Variants in IQGAP2 observed in about 807,000 individuals in gnomAD.
IQGAP2 encodes the protein ras GTPase-activating-like protein IQGAP2.
A neutral mutation model predicts 201.3 loss-of-function variants in IQGAP2; 173 were observed. The observed-to-expected ratio is 0.86, with a 90% CI of 0.76 to 0.98. IQGAP2 has a LOEUF of 0.98. IQGAP2 is among the 50% of genes least tolerant of loss of function. The probability of loss-of-function intolerance (pLI) is 0.00; values close to 1 mark genes in which losing one functional copy is unlikely to be tolerated. For synonymous variants in IQGAP2, 675 were observed against 673.9 expected (o/e 1.00, Z -0.03); for missense variants, 1,687 against 1,864.8 (o/e 0.90, Z 1.76).
chr5:76,443,880 T>C lies in IQGAP2; in HGVS notation c.47-17690T>C, dbSNP rs146144765. On this transcript the variant is annotated intron_variant, in intron 1 of 35. Coordinates refer to ENST00000274364, the MANE Select transcript of IQGAP2 (RefSeq NM_006633.5). ...TTTTAGTTATTGACACTTTTTTCTA[T>C]TTCATAGCCACATTGGTATATTTTT... is the stretch of plus-strand genomic sequence containing the variant. Among the ~76,000 whole-genome samples, 52 of 152,304 alleles carry C rather than the reference T, an allele frequency of 3.4e-4. 1 individual carries two copies. The East Asian group carries it at 9.3e-3, about 27-fold the overall frequency.
At chr5:76,511,476 G>A (rs1202878855) in intron 2 of IQGAP2, among the ~76,000 whole-genome samples, 1 of 152,108 alleles carries the variant, frequency 6.6e-6, no homozygotes, top group Non-Finnish European at 1.5e-5. Context: ...TTTCACTTAG[G>A]TGCCCTTGGC....
chr5:76,700,164 A>G (rs1365281676), intron 33 of IQGAP2, among the ~76,000 whole-genome samples: 20 of 152,248 alleles, frequency 1.3e-4, no homozygotes, highest in Admixed American at 1.3e-3. Context: ...GATTTACTTT[A>G]AGGCATTTCA....
chr5:76,703,739 G>T (rs71630933), intron 35 of IQGAP2, among the ~76,000 whole-genome samples: 48,907 of 151,264 alleles, frequency 0.32, 8,042 homozygotes, highest in Non-Finnish European at 0.35. Flanking sequence ...ATTTAAAGAA[G>T]TAATTTATTT....
intron 2 of IQGAP2, among the ~76,000 whole-genome samples, chr5:76,465,485 T>C (rs1168968354): frequency 1.3e-5 from 2 of 152,356 alleles, no homozygotes; most frequent in Middle Eastern, 3.4e-3. Flanking sequence ...AGGATGTTTT[T>C]TCTTACCACT....
intron 2 of IQGAP2, among the ~76,000 whole-genome samples, chr5:76,484,771 C>T (rs1180824708): frequency 2.6e-5 from 4 of 152,008 alleles, no homozygotes; most frequent in Non-Finnish European, 5.9e-5. Context: ...CCACTTCAGC[C>T]TCCAAAAGCA....
intron 2 of IQGAP2, among the ~76,000 whole-genome samples, chr5:76,499,912 C>G (rs1489960376): frequency 6.6e-6 from 1 of 152,016 alleles, no homozygotes; most frequent in Non-Finnish European, 1.5e-5. Flanking sequence ...TCAAGACCAG[C>G]CTGGGAAGCA....
chr5:76,523,076 C>CTTT (rs35277348), intron 2 of IQGAP2, among the ~76,000 whole-genome samples: 21 of 78,340 alleles, frequency 2.7e-4, no homozygotes, highest in South Asian at 1.2e-3. Context: ...TTTCTTTTGC[C>CTTT]TTTTTTTTTT....
chr5:76,694,250 C>T (rs1746526646), intron 31 of IQGAP2, among the ~76,000 whole-genome samples: 1 of 152,070 alleles, frequency 6.6e-6, no homozygotes, highest in African/African-American at 2.4e-5. Context: ...CTGGACAACA[C>T]AGTGAGACCC....
chr5:76,428,890 C>T (rs955851130), intron 1 of IQGAP2, among the ~76,000 whole-genome samples: 6 of 151,276 alleles, frequency 4.0e-5, no homozygotes, highest in Admixed American at 1.3e-4. Context: ...GTCAGGAGTT[C>T]GAGACCAGGC....
At chr5:76,561,405 G>A (rs947039341) in intron 2 of IQGAP2, among the ~76,000 whole-genome samples, 3 of 152,136 alleles carry the variant, frequency 2.0e-5, no homozygotes, top group Admixed American at 6.5e-5. Flanking sequence ...ATTGGGGCAC[G>A]GTGCTCTACT....
chr5:76,436,162 A>G (rs1433227512), intron 1 of IQGAP2, among the ~76,000 whole-genome samples: 4 of 152,042 alleles, frequency 2.6e-5, no homozygotes, highest in Non-Finnish European at 5.9e-5. Flanking sequence ...TCATCAGCAA[A>G]CAATGATAAT....
chr5:76,607,455 C>CT (rs1389741838), intron 12 of IQGAP2: 2 of 152,162 alleles, frequency 1.3e-5, no homozygotes, highest in Non-Finnish European at 2.9e-5. Context: ...TCCCTGGACA[C>CT]TTTCATTTTG....
intron 2 of IQGAP2, among the ~76,000 whole-genome samples, chr5:76,543,129 G>A (rs1309914018): frequency 1.3e-5 from 2 of 152,120 alleles, no homozygotes; most frequent in African/African-American, 4.8e-5. Context: ...TCACAGCCAT[G>A]AAATGGAGGC....
chr5:76,603,273 A>G (rs1475553205), intron 11 of IQGAP2, among the ~76,000 whole-genome samples: 1 of 152,058 alleles, frequency 6.6e-6, no homozygotes, highest in Non-Finnish European at 1.5e-5. Context: ...ACCATACATT[A>G]TGTTCTGTGA....
chr5:76,403,348 T>A lies in IQGAP2; in HGVS notation c.-198T>A. The A allele has an allele frequency of 2.5e-6, 1 of 406,404 alleles. No individual in the cohort carries two copies. Among genetic ancestry groups the A allele is most frequent in the Non-Finnish European group, 4.3e-6 (1 of 232,874 alleles). 25.2% of individuals were successfully genotyped at this position (406,404 alleles called of 1,614,324 possible). ...CGAGGGAGGAGAGTTCACTTTTACT[T>A]CAGTGTCAGCGCGCGGCGGCCGTGG... On this transcript the variant is annotated 5_prime_UTR_variant, in exon 1 of 36. Transcript: ENST00000274364. The surrounding 1 kb of genome is among the most constrained non-coding windows in gnomAD (Gnocchi z 4.8).
At chr5:76,555,132 A>G (rs1743847805) in intron 2 of IQGAP2, among the ~76,000 whole-genome samples, 1 of 152,148 alleles carries the variant, frequency 6.6e-6, no homozygotes, top group African/African-American at 2.4e-5. Flanking sequence ...TTAGTGTGTT[A>G]GGGGCTTGGG....
chr5:76,415,044 A>G (rs1751335035), intron 1 of IQGAP2, among the ~76,000 whole-genome samples: 1 of 152,246 alleles, frequency 6.6e-6, no homozygotes, highest in Admixed American at 6.5e-5. Context: ...GAATATTTCT[A>G]GAAGGTTATG....
chr5:76,600,726 T>C (rs1425589762), intron 10 of IQGAP2, 86 bp from the exon 11 acceptor site: 1 of 1,481,450 alleles, frequency 6.8e-7, no homozygotes, highest in African/African-American at 1.4e-5. Context: ...CTTTTTGTTG[T>C]TTGTTGAAAT....
rs1306652185 is a variant in IQGAP2 at position 76,700,950 on chromosome 5, A to AG, written c.4368-125dup. 8.2e-6 allele frequency: 7 copies of AG among 858,722 alleles called. No homozygotes were observed. In the African/African-American group the frequency reaches 1.0e-4, roughly 13 times the overall value. 53.2% of individuals were successfully genotyped at this position (858,722 alleles called of 1,614,324 possible). A position where few individuals can be genotyped will look rare whatever the true frequency, so the allele number is the denominator to read the frequency against. On this transcript the variant is annotated intron_variant, in intron 33 of 35. Transcript: ENST00000274364. ...ATTACCTACTATCACAAAATAAAAA[A>AG]GTGTATATTCAGCGCTCTGAGGGCC...
Sources: allele counts gnomAD v4.1 joint callset (sites outside exome capture counted in the v4.1 genomes callset), GRCh38; gene constraint gnomAD v4.1.1; non-coding constraint Gnocchi (gnomAD v3.1); transcripts MANE v1.5; gene names NCBI Gene and HGNC (gene_info 2026-07-23, HGNC 2026-07-21).